Variants in ADAM32 observed in about 807,000 individuals in gnomAD.
The protein encoded by ADAM32 is ADAM metallopeptidase domain 32, also known as disintegrin and metalloproteinase domain-containing protein 32.
In ADAM32, 89 loss-of-function variants were observed where a neutral mutation model predicts 114.9. That is an observed-to-expected ratio of 0.77 (90% CI 0.65 to 0.92). The LOEUF is 0.92. ADAM32 is among the 40% of genes least tolerant of loss of function. The pLI is 0.00. For synonymous variants in ADAM32, 285 were observed against 307.5 expected (o/e 0.93, Z 0.77); for missense variants, 870 against 932.8 (o/e 0.93, Z 0.88).
intron 6 of ADAM32, chr8:39,157,557 G>T (rs1005365387): frequency 2.0e-5 from 10 of 508,622 alleles, no homozygotes; most frequent in Non-Finnish European, 3.4e-5. Flanking sequence ...TTCTTCCTTT[G>T]CAATCTGGTC....
Position 39,223,048 on chromosome 8 carries a change from A to C in ADAM32, c.1335A>C (p.Gln445His). ...GTTCTAACTTCTCTTAGATTTTACA[A>C]TCAGGCGTTGAATGTAGGCCGAAAG... ...GLCCKDCQIL[Q>H]SGVECRPKAH... Residue 445 changes from glutamine (Q) to histidine (H), a missense_variant, in exon 14 of 25, where the codon CAA becomes CAC. Gln to His is a conservative substitution (Grantham distance 24). Coordinates refer to ENST00000379907, the MANE Select transcript of ADAM32 (RefSeq NM_145004.7). 1 of 1,573,934 alleles carries C rather than the reference A, an allele frequency of 6.4e-7. No homozygotes were observed. The highest frequency in any genetic ancestry group is 1.2e-5 in the South Asian group (1 of 82,678).
At chr8:39,180,125 G>A (rs1286217479) in intron 10 of ADAM32, among the ~76,000 whole-genome samples, 1 of 152,206 alleles carries the variant, frequency 6.6e-6, no homozygotes, top group Non-Finnish European at 1.5e-5. Flanking sequence ...GGAGAGGCGC[G>A]AGTGGGAACT....
At chr8:39,107,640 A>C, upstream of ADAM32, 1 of 1,490,900 alleles carries the variant, frequency 6.7e-7, no homozygotes, top group African/African-American at 1.4e-5. Context: ...CACCGAGAGC[A>C]CCCCGTCTCC....
intron 5 of ADAM32, among the ~76,000 whole-genome samples, 183 bp from the exon 6 acceptor site, chr8:39,151,193 GA>G (rs1411357731): frequency 6.6e-6 from 1 of 152,072 alleles, no homozygotes; most frequent in East Asian, 1.9e-4. Flanking sequence ...ATACAAAAAC[GA>G]AATAGAAAAT....
intron 12 of ADAM32, among the ~76,000 whole-genome samples, chr8:39,220,378 G>T (rs759827141): frequency 6.6e-6 from 1 of 151,806 alleles, no homozygotes; most frequent in African/African-American, 2.4e-5. Context: ...GATGGGTTTT[G>T]TTTTTTTATT....
intron 12 of ADAM32, among the ~76,000 whole-genome samples, chr8:39,211,607 C>T (rs776437585): frequency 4.6e-5 from 7 of 152,136 alleles, no homozygotes; most frequent in Non-Finnish European, 7.4e-5. Context: ...CTTTACAAAT[C>T]TCTGCTTAAT....
chr8:39,117,842 G>A (rs998895651), intron 1 of ADAM32, among the ~76,000 whole-genome samples: 1 of 151,928 alleles, frequency 6.6e-6, no homozygotes, highest in African/African-American at 2.4e-5. Flanking sequence ...TTTTTGGTGT[G>A]TATTTTCTAT....
At chr8:39,109,638 A>G (rs923426061) in intron 1 of ADAM32, among the ~76,000 whole-genome samples, 1 of 152,200 alleles carries the variant, frequency 6.6e-6, no homozygotes, top group Non-Finnish European at 1.5e-5. Flanking sequence ...GAGTTCCCAT[A>G]TAGCCCCTGA....
intron 17 of ADAM32, among the ~76,000 whole-genome samples, chr8:39,248,440 T>G (rs895081570): frequency 6.6e-6 from 1 of 152,112 alleles, no homozygotes; most frequent in East Asian, 1.9e-4. Flanking sequence ...CTTCATTTTT[T>G]GGGGGGGCTA....
chr8:39,258,658 A>G (rs1448627641), intron 19 of ADAM32, among the ~76,000 whole-genome samples: 2 of 152,186 alleles, frequency 1.3e-5, no homozygotes, highest in Non-Finnish European at 2.9e-5. Context: ...TAAGCTTGAT[A>G]TGTGTCCTCC....
At chr8:39,111,424 A>G (rs983703820) in intron 1 of ADAM32, among the ~76,000 whole-genome samples, 12 of 152,168 alleles carry the variant, frequency 7.9e-5, no homozygotes, top group Non-Finnish European at 1.5e-4. Context: ...TTTGATTAGG[A>G]TAGTCTTGAC....
At chr8:39,237,774 C>T (rs1260123305) in intron 16 of ADAM32, among the ~76,000 whole-genome samples, 1 of 152,208 alleles carries the variant, frequency 6.6e-6, no homozygotes, top group Non-Finnish European at 1.5e-5. Flanking sequence ...ACTCTGCCCT[C>T]ATCTGATGGT....
intron 3 of ADAM32, among the ~76,000 whole-genome samples, chr8:39,140,362 G>A (rs1803069339): frequency 6.6e-6 from 1 of 152,170 alleles, no homozygotes; most frequent in Admixed American, 6.5e-5. Flanking sequence ...TTTTTAGCAT[G>A]AAGGGCTGTT....
At chr8:39,223,382 T>C (rs374504569) in intron 14 of ADAM32, 144 bp downstream of exon 14, 9 of 394,034 alleles carry the variant, frequency 2.3e-5, no homozygotes, top group African/African-American at 6.3e-5. Flanking sequence ...TATTTTATTA[T>C]ATATATAAGC....
chr8:39,232,379 A>G (rs1197144762), intron 15 of ADAM32, among the ~76,000 whole-genome samples: 1 of 152,174 alleles, frequency 6.6e-6, no homozygotes, highest in Non-Finnish European at 1.5e-5. Context: ...GTTGAAATTC[A>G]TAATACCCAC....
intron 11 of ADAM32, among the ~76,000 whole-genome samples, chr8:39,190,378 A>G (rs1243858900): frequency 2.0e-5 from 3 of 152,188 alleles, no homozygotes; most frequent in Non-Finnish European, 2.9e-5. Flanking sequence ...TCTTTCTAAT[A>G]TACTGATTTC....
chr8:39,271,486 GGT>G, intron 20 of ADAM32, among the ~76,000 whole-genome samples: 1 of 148,602 alleles, frequency 6.7e-6, no homozygotes. Context: ...CACTAAAGGT[GGT>G]GATGCCAACA....
At chr8:39,108,178 G>A (rs1350185987) in intron 1 of ADAM32, 2 of 187,688 alleles carry the variant, frequency 1.1e-5, no homozygotes, top group Non-Finnish European at 2.2e-5. Flanking sequence ...CCAGCTACCC[G>A]GGAGGCTGAG....
chr8:39,157,543 C>T (rs745938959), intron 6 of ADAM32: 2 of 492,442 alleles, frequency 4.1e-6, no homozygotes, highest in Admixed American at 2.4e-5. Context: ...TGGCATTAAG[C>T]TCCTTCTTCC....
Sources: allele counts gnomAD v4.1 joint callset (sites outside exome capture counted in the v4.1 genomes callset), GRCh38; gene constraint gnomAD v4.1.1; transcripts MANE v1.5; gene names NCBI Gene and HGNC (gene_info 2026-07-23, HGNC 2026-07-21).